The following EFCAB5 variants were observed in gnomAD, a reference collection of about 807,000 sequenced individuals.
EFCAB5 encodes EF-hand calcium binding domain 5, also known as EF-hand calcium-binding domain-containing protein 5.
Under a neutral mutation model 167.9 loss-of-function variants are expected in EFCAB5, and 131 were observed. The observed-to-expected ratio is 0.78, with a 90% CI of 0.68 to 0.90. The LOEUF (loss-of-function observed/expected upper bound fraction) is 0.90, where lower values mean the gene tolerates loss of function less well. Among genes scored for constraint, EFCAB5 ranks in the 40% least tolerant of loss-of-function variants. The probability of loss-of-function intolerance (pLI) is 0.00; values close to 1 mark genes in which losing one functional copy is unlikely to be tolerated. For synonymous variants in EFCAB5, 574 were observed against 602.8 expected (o/e 0.95, Z 0.70); for missense variants, 1,663 against 1,745.2 (o/e 0.95, Z 0.84).
At chr17:29,993,133 C>G in intron 4 of EFCAB5, 32 bp from the exon 5 acceptor site, 1 of 1,560,108 alleles carries the variant, frequency 6.4e-7, no homozygotes. Flanking sequence ...AGGGTATTAA[C>G]TCAACATGTT....
At chr17:30,091,600 C>T (rs2071197870) in intron 20 of EFCAB5, among the ~76,000 whole-genome samples, 2 of 152,156 alleles carry the variant, frequency 1.3e-5, no homozygotes, top group African/African-American at 4.8e-5. Context: ...ATAAGGGTGA[C>T]AGCGTGTGTT....
Position 29,968,799 on chromosome 17 carries a change from C to G in EFCAB5, c.199C>G (p.Leu67Val), listed in dbSNP as rs1254735444. ...MDEIKSQELN[L>V]EGQRKISPGS... is the part of the protein sequence containing the mutation. ...CTTTTTTTTCCCCTCAGAATTAAAC[C>G]TGGAGGGGCAGCGAAAAATTTCACC... Residue 67 changes from leucine to valine, a missense_variant, in exon 4 of 23, where the codon CTG becomes GTG. By Grantham distance (32) the Leu-to-Val change is conservative (BLOSUM62 1). Transcript: ENST00000394835. The G allele has an allele frequency of 1.3e-6, 2 of 1,486,632 alleles. No individual in the cohort carries two copies. The highest frequency in any genetic ancestry group is 2.9e-5 in the African/African-American group (2 of 70,080). 92.1% of individuals were successfully genotyped at this position (1,486,632 alleles called of 1,614,324 possible).
intron 9 of EFCAB5, among the ~76,000 whole-genome samples, chr17:30,052,003 G>A (rs1382972223): frequency 6.6e-6 from 1 of 151,802 alleles, no homozygotes; most frequent in African/African-American, 2.4e-5. Context: ...CGTTTTCAGA[G>A]ATGGGGTCTT....
At chr17:29,978,820 T>G (rs888445912) in intron 4 of EFCAB5, among the ~76,000 whole-genome samples, 4 of 152,208 alleles carry the variant, frequency 2.6e-5, no homozygotes, top group African/African-American at 9.7e-5. Context: ...AGAAGATAAT[T>G]TGTCTGTTCA....
chr17:30,030,242 C>T (rs1404586844), intron 7 of EFCAB5, among the ~76,000 whole-genome samples: 1 of 152,190 alleles, frequency 6.6e-6, no homozygotes, highest in Non-Finnish European at 1.5e-5. Context: ...TATGCTAACT[C>T]AGAAAACCGA....
At chr17:29,996,494 C>A in intron 6 of EFCAB5, 134 bp downstream of exon 6, 1 of 680,110 alleles carries the variant, frequency 1.5e-6, no homozygotes, top group South Asian at 2.0e-5. Context: ...CTCTTCCATG[C>A]TGTCCAGATA....
chr17:30,017,673 A>T (rs1157325904), intron 7 of EFCAB5, among the ~76,000 whole-genome samples: 2 of 152,170 alleles, frequency 1.3e-5, no homozygotes, highest in Admixed American at 6.5e-5. Context: ...ATCACAAAAG[A>T]GTGCAGTCAT....
At chr17:30,044,812 G>A (rs1015505169) in intron 8 of EFCAB5, among the ~76,000 whole-genome samples, 6 of 152,090 alleles carry the variant, frequency 3.9e-5, no homozygotes, top group Admixed American at 3.9e-4. Context: ...TGAAATGAAA[G>A]AAATTACAAC....
intron 4 of EFCAB5, among the ~76,000 whole-genome samples, chr17:29,971,200 A>C (rs1429544589): frequency 4.0e-5 from 6 of 151,846 alleles, no homozygotes; most frequent in Admixed American, 3.9e-4. Context: ...TTCTATCTGG[A>C]TGTAGTCTGA....
intron 3 of EFCAB5, among the ~76,000 whole-genome samples, chr17:29,947,940 C>A (rs964301931): frequency 5.3e-5 from 8 of 152,094 alleles, no homozygotes; most frequent in African/African-American, 1.9e-4. Context: ...ATTCTCATGC[C>A]TCAGCCTCCC....
intron 8 of EFCAB5, among the ~76,000 whole-genome samples, chr17:30,046,657 C>T (rs1317121016): frequency 6.6e-6 from 1 of 152,212 alleles, no homozygotes; most frequent in African/African-American, 2.4e-5. Flanking sequence ...TTTGGGTGGA[C>T]TCAGAGGAAT....
chr17:30,020,475 C>T (rs2069151243), intron 7 of EFCAB5, among the ~76,000 whole-genome samples: 1 of 151,634 alleles, frequency 6.6e-6, no homozygotes, highest in African/African-American at 2.4e-5. Flanking sequence ...AGCAATTCTC[C>T]TGCCTCAGCC....
rs531232006 is a variant in EFCAB5 at position 29,960,343 on chromosome 17, T to G, written c.191-8448T>G. ...TTATGAAGGTGCTTTCTTGTGTGGA[T>G]AGTGGTTCAATGTGGTGTTCCTGTG... is the stretch of plus-strand genomic sequence containing the variant. On this transcript the variant is annotated intron_variant, in intron 3 of 22. Transcript: ENST00000394835. Among the ~76,000 whole-genome samples, 4 of 152,324 alleles carry G rather than the reference T, an allele frequency of 2.6e-5. No homozygotes were observed. In the South Asian group the frequency reaches 8.3e-4, roughly 32 times the overall value.
intron 3 of EFCAB5, chr17:29,950,667 C>A (rs2067490800): frequency 6.6e-6 from 1 of 152,162 alleles, no homozygotes; most frequent in Admixed American, 6.5e-5. Context: ...AGCCACTGCA[C>A]CTAGCCTCTT....
chr17:29,958,232 C>G (rs1055979359), intron 3 of EFCAB5, among the ~76,000 whole-genome samples: 1 of 152,104 alleles, frequency 6.6e-6, no homozygotes, highest in African/African-American at 2.4e-5. Context: ...AATAAACTTT[C>G]TACCCAAATC....
At chr17:30,032,942 T>C (rs928915126) in intron 7 of EFCAB5, among the ~76,000 whole-genome samples, 1 of 152,300 alleles carries the variant, frequency 6.6e-6, no homozygotes, top group East Asian at 1.9e-4. Flanking sequence ...CAATTCCTAG[T>C]GGAGAGAATC....
intron 14 of EFCAB5, among the ~76,000 whole-genome samples, chr17:30,071,691 A>T (rs1460129649): frequency 6.6e-6 from 1 of 152,198 alleles, no homozygotes; most frequent in East Asian, 1.9e-4. Flanking sequence ...AGATTTCTAC[A>T]TTCCCATGTT....
At chr17:30,076,689 C>T (rs1052983929) in intron 14 of EFCAB5, among the ~76,000 whole-genome samples, 4 of 152,226 alleles carry the variant, frequency 2.6e-5, no homozygotes, top group African/African-American at 9.6e-5. Context: ...GGTACATACC[C>T]TGTGACTTAC....
chr17:29,967,077 C>A (rs1458732302), intron 3 of EFCAB5, among the ~76,000 whole-genome samples: 1 of 151,992 alleles, frequency 6.6e-6, no homozygotes, highest in Non-Finnish European at 1.5e-5. Context: ...CTTCTAATTT[C>A]TCTGCTCTGA....
Sources: gnomAD v4.1 joint callset for allele counts (sites outside exome capture counted in the v4.1 genomes callset) on GRCh38, gnomAD v4.1.1 for gene constraint, MANE v1.5 for transcripts, NCBI Gene and HGNC (gene_info 2026-07-23, HGNC 2026-07-21) for gene names.